The following PLCZ1 variants were observed in gnomAD, a reference collection of about 807,000 sequenced individuals.
The protein encoded by PLCZ1 is phospholipase C zeta 1.
A neutral mutation model predicts 76.8 loss-of-function variants in PLCZ1; 64 were observed. That is an observed-to-expected ratio of 0.83 (90% CI 0.68 to 1.03). PLCZ1 has a LOEUF of 1.03. Ranked by LOEUF, PLCZ1 falls within the 50% of genes least tolerant of loss-of-function variation. The probability of loss-of-function intolerance (pLI) is 0.00; values close to 1 mark genes in which losing one functional copy is unlikely to be tolerated. For missense variants in PLCZ1, 751 were observed against 713.7 expected (o/e 1.05, Z -0.60); for synonymous variants, 248 against 230.8 (o/e 1.07, Z -0.68).
the PLCZ1 span, among the ~76,000 whole-genome samples, chr12:18,676,671 G>A: frequency 1.3e-5 from 2 of 152,100 alleles, no homozygotes; most frequent in African/African-American, 2.4e-5. Flanking sequence ...TATAGTATAA[G>A]CATTACTATA....
At position 18,723,319 on chromosome 12, in the gene PLCZ1, A is replaced by T. The variant is rs1366151977; in HGVS notation, c.359T>A (p.Ile120Asn). ...AFEIIQKYEP[I>N]EEVRKAHQMS... ...TTGAAATGCAAACATACCTTCTTCG[A>T]TAGGCTCGTATTTCTGAATGATCTC... Residue 120 changes from isoleucine to asparagine, a missense_variant, in exon 4 of 15, where the codon ATC becomes AAC. By Grantham distance (149) the Ile-to-Asn change is moderately radical. Transcript: ENST00000266505. 1 of 1,610,384 alleles carries T rather than the reference A, an allele frequency of 6.2e-7. No individual in the cohort carries two copies. Among genetic ancestry groups the T allele is most frequent in the Admixed American group, 1.7e-5 (1 of 59,742 alleles).
At chr12:18,670,380 G>A in the PLCZ1 span, among the ~76,000 whole-genome samples, 1 of 151,994 alleles carries the variant, frequency 6.6e-6, no homozygotes. Context: ...GTGCCACAGA[G>A]AGCTAGAACA....
intron 6 of PLCZ1, among the ~76,000 whole-genome samples, chr12:18,708,232 G>C (rs1451866467): frequency 6.6e-6 from 1 of 151,982 alleles, no homozygotes; most frequent in Non-Finnish European, 1.5e-5. Flanking sequence ...GTACATTTGA[G>C]AGTTTTTTTT....
chr12:18,645,910 G>A, the PLCZ1 span, among the ~76,000 whole-genome samples: 1 of 152,124 alleles, frequency 6.6e-6, no homozygotes, highest in Non-Finnish European at 1.5e-5. Context: ...ACACTTTGAG[G>A]GTTCCTTTCT....
At chr12:18,687,938 G>T in intron 13 of PLCZ1, 151 bp downstream of exon 13, 2 of 882,052 alleles carry the variant, frequency 2.3e-6, no homozygotes, top group South Asian at 3.6e-5. Flanking sequence ...AAATGTTTTT[G>T]TTGCATATAA....
chr12:18,647,077 G>T, the PLCZ1 span, among the ~76,000 whole-genome samples: 1 of 148,422 alleles, frequency 6.7e-6, no homozygotes, highest in South Asian at 2.1e-4. Context: ...CTTCCTTTTT[G>T]GTATTTTTTT....
intron 10 of PLCZ1, among the ~76,000 whole-genome samples, chr12:18,699,210 C>A (rs1249966046): frequency 3.3e-5 from 5 of 152,162 alleles, no homozygotes; most frequent in Non-Finnish European, 7.3e-5. Flanking sequence ...GCCTGGGCGC[C>A]ATTTCTTCCC....
At chr12:18,688,581 A>C (rs969141614) in intron 12 of PLCZ1, among the ~76,000 whole-genome samples, 5 of 151,852 alleles carry the variant, frequency 3.3e-5, no homozygotes, top group Non-Finnish European at 5.9e-5. Context: ...TGCTGGAAAA[A>C]ATTTAAAGCA....
At chr12:18,696,039 G>A (rs73060538) in intron 11 of PLCZ1, 111 bp downstream of exon 11, 77,987 of 609,382 alleles carry the variant, frequency 0.13, 5,673 homozygotes, top group Middle Eastern at 0.19. Flanking sequence ...CAAAGCCCCC[G>A]GGCTAAAAAA....
At chr12:18,663,769 ATGT>A in the PLCZ1 span, among the ~76,000 whole-genome samples, 1 of 152,158 alleles carries the variant, frequency 6.6e-6, no homozygotes, top group Non-Finnish European at 1.5e-5. Flanking sequence ...AAATTGAAAA[ATGT>A]TGTGCATCTG....
chr12:18,729,927 T>A (rs1289812202), intron 3 of PLCZ1, among the ~76,000 whole-genome samples: 2 of 152,124 alleles, frequency 1.3e-5, no homozygotes. Context: ...AATGAATAAA[T>A]GTAATTCAAT....
intron 7 of PLCZ1, 30 bp from the exon 8 acceptor site, chr12:18,701,806 C>T (rs372018440): frequency 1.3e-6 from 2 of 1,574,268 alleles, no homozygotes; most frequent in Admixed American, 1.8e-5. Flanking sequence ...GATACAATTA[C>T]ACATTTACAA....
intron 9 of PLCZ1, among the ~76,000 whole-genome samples, chr12:18,700,512 C>CAAAAAAA (rs11324526): frequency 0.31 from 20,702 of 67,808 alleles, 5,825 homozygotes; most frequent in East Asian, 0.46. Flanking sequence ...AGCCAACGTA[C>CAAAAAAA]AAAAAAAAAA....
intron 12 of PLCZ1, among the ~76,000 whole-genome samples, chr12:18,690,641 G>A (rs1046202914): frequency 3.9e-5 from 6 of 152,094 alleles, no homozygotes; most frequent in African/African-American, 7.2e-5. Flanking sequence ...AGGGTGTTAC[G>A]GAAAACAGCA....
At chr12:18,679,259 T>C (rs1952208866), downstream of PLCZ1, among the ~76,000 whole-genome samples, 1 of 152,030 alleles carries the variant, frequency 6.6e-6, no homozygotes, top group African/African-American at 2.4e-5. Flanking sequence ...TCATTTTCAT[T>C]ATGATGTATT....
rs571363201 is a variant in PLCZ1, at chr12:18,719,326, A to G, written c.569+105T>C. 7.9e-5 allele frequency: 46 copies of G among 585,942 alleles called. No homozygotes were observed. In the African/African-American group the frequency reaches 8.1e-4, roughly 10 times the overall value. 36.3% of individuals were successfully genotyped at this position (585,942 alleles called of 1,614,324 possible). ...TCTATTCCCTATGAGTTTGGATAAC[A>G]TGGAGAGTCTTCTTTTTATTGTGCA... On this transcript the variant is annotated intron_variant, in intron 5 of 14. Transcript: ENST00000266505.
intron 12 of PLCZ1, chr12:18,692,658 A>G (rs901715817): frequency 2.6e-5 from 17 of 644,816 alleles, no homozygotes; most frequent in Admixed American, 8.7e-5. Context: ...TGCAGGAGAA[A>G]AAAATCATTT....
intron 5 of PLCZ1, 51 bp from the exon 6 acceptor site, chr12:18,713,037 T>C (rs1957525240): frequency 1.3e-6 from 2 of 1,595,226 alleles, no homozygotes; most frequent in Non-Finnish European, 8.6e-7. Flanking sequence ...ATTAAAAATA[T>C]ATACCAAAGT....
At position 18,705,295 on chromosome 12, in the gene PLCZ1, C is replaced by A. The variant is rs773171698; in HGVS notation, c.735G>T (p.Val245=). 7 of 1,614,048 alleles carry A rather than the reference C, an allele frequency of 4.3e-6. No homozygotes were observed. The highest frequency in any genetic ancestry group is 5.9e-6 in the Non-Finnish European group (7 of 1,179,996). Residue 245 remains valine, a synonymous_variant, in exon 7 of 15, where the codon GTG becomes GTT. Transcript: ENST00000266505. ...TGGAGCAGTGATTTTCTAAAGAGAG[C>A]ACCACTGGGTAGTCAGATGTCTAAA... ...YAFMTSDYPV[V]LSLENHCSTA... is the part of the protein sequence containing the mutation.
Sources: gnomAD v4.1 joint callset for allele counts (sites outside exome capture counted in the v4.1 genomes callset) on GRCh38, gnomAD v4.1.1 for gene constraint, MANE v1.5 for transcripts, NCBI Gene and HGNC (gene_info 2026-07-23, HGNC 2026-07-21) for gene names.